Variants in WDTC1 observed in about 807,000 individuals in gnomAD.
WDTC1 encodes the protein WD and tetratricopeptide repeats protein 1.
WDTC1 carries 12 observed loss-of-function variants against 76.0 expected under a neutral mutation model. The ratio of observed to expected loss-of-function variants is 0.16; its 90% CI spans 0.10 to 0.26. The LOEUF (loss-of-function observed/expected upper bound fraction) is 0.26. Ranked by LOEUF, WDTC1 falls within the 10% of genes least tolerant of loss-of-function variation. The pLI is 1.00. For synonymous variants in WDTC1, 326 were observed against 350.8 expected, an observed-to-expected ratio of 0.93 and a Z score of 0.79; for missense variants, 511 against 908.8, an observed-to-expected ratio of 0.56 and a Z score of 5.63.
intron 3 of WDTC1, among the ~76,000 whole-genome samples, chr1:27,266,046 G>T (rs2012652741): frequency 6.6e-6 from 1 of 152,082 alleles, no homozygotes; most frequent in African/African-American, 2.4e-5. Flanking sequence ...ATTTTTAATA[G>T]CGTAAAGGGG....
At chr1:27,237,791 G>T (rs2011522314) in intron 1 of WDTC1, among the ~76,000 whole-genome samples, 1 of 150,818 alleles carries the variant, frequency 6.6e-6, no homozygotes, top group African/African-American at 2.4e-5. Context: ...AACCCAGGAG[G>T]TGGAGGTTGC....
Position 27,282,256 on chromosome 1 carries a change from C to T in WDTC1, c.150C>T (p.Val50=), listed in dbSNP as rs185202984. 1.9e-6 allele frequency: 3 copies of T among 1,613,792 alleles called. No homozygotes were observed. Among genetic ancestry groups the T allele is most frequent in the African/African-American group, 2.7e-5 (2 of 74,996 alleles). ...EAELQGHSGC[V]NCLEWNEKGD... ...TCCCCCAGGGTCACTCAGGATGTGTCAACTGTCTGGAGTGGAATGAGAAAG... is the reference window on the plus strand; with the variant it reads ...TCCCCCAGGGTCACTCAGGATGTGTTAACTGTCTGGAGTGGAATGAGAAAG... Residue 50 remains valine, a synonymous_variant, in exon 4 of 16, where the codon GTC becomes GTT. Coordinates refer to ENST00000319394, the MANE Select transcript of WDTC1 (RefSeq NM_001276252.2).
chr1:27,234,520 G>A (rs572933584), upstream of WDTC1: 2 of 355,150 alleles, frequency 5.6e-6, no homozygotes, highest in Non-Finnish European at 5.1e-6. Context: ...GGGGGTAAGT[G>A]GGGGGGCCCG....
At chr1:27,267,757 T>C (rs2012720746) in intron 3 of WDTC1, among the ~76,000 whole-genome samples, 1 of 152,180 alleles carries the variant, frequency 6.6e-6, no homozygotes, top group Non-Finnish European at 1.5e-5. Flanking sequence ...TTTAAAAAGA[T>C]ACTTTCATAA....
At position 27,294,546 on chromosome 1, in the gene WDTC1, A is replaced by C; in HGVS notation, c.790A>C (p.Asn264His). Reference protein sequence around the residue: ...HLPVKLPDYNNRLRVLVATYV... With the variant: ...HLPVKLPDYNHRLRVLVATYV... ...GCCAGTGAAGCTTCCTGACTACAAC[A>C]ACCGTTTGAGAGTGCTGGTTGCCAC... is the stretch of plus-strand genomic sequence containing the variant. The change falls in exon 9 of 16, where the codon AAC becomes CAC. Residue 264 changes from asparagine (N) to histidine (H), a missense_variant. Coordinates refer to ENST00000319394, the MANE Select transcript of WDTC1 (RefSeq NM_001276252.2). 1 of 1,614,176 alleles carries C rather than the reference A, an allele frequency of 6.2e-7. No individual in the cohort carries two copies. The highest frequency in any genetic ancestry group is 8.5e-7 in the Non-Finnish European group (1 of 1,180,016).
At chr1:27,255,346 T>C (rs2012240479) in intron 1 of WDTC1, 2 of 152,198 alleles carry the variant, frequency 1.3e-5, no homozygotes, top group Admixed American at 1.3e-4. Flanking sequence ...TTTGAGTTCC[T>C]GTTCCATCTC....
chr1:27,303,608 T>TCTCTGC lies in WDTC1; in HGVS notation c.1469-11_1469-6dup. The TCTCTGC allele has an allele frequency of 6.4e-7, 1 of 1,574,696 alleles. No homozygotes were observed. The highest frequency in any genetic ancestry group is 8.6e-7 in the Non-Finnish European group (1 of 1,166,194). Reference sequence around the variant, plus strand: ...GAACAAGGCGCTTACCTTTTCTGGATCTCTGCCCCCAGAGGAGAAGAAGGG... The same window carrying TCTCTGC: ...GAACAAGGCGCTTACCTTTTCTGGATCTCTGCCTCTGCCCCCAGAGGAGAAGAAGGG... On this transcript the variant is annotated splice_polypyrimidine_tract_variant and intron_variant, in intron 13 of 15. Coordinates refer to ENST00000319394, the MANE Select transcript of WDTC1 (RefSeq NM_001276252.2). The surrounding 1 kb of genome is among the most constrained non-coding windows in gnomAD (Gnocchi z 4.8).
chr1:27,256,838 A>G (rs2012295832), intron 1 of WDTC1, among the ~76,000 whole-genome samples: 1 of 152,128 alleles, frequency 6.6e-6, no homozygotes, highest in Non-Finnish European at 1.5e-5. Flanking sequence ...GGCACATAGT[A>G]AGTGCTTAAT....
intron 11 of WDTC1, among the ~76,000 whole-genome samples, chr1:27,297,520 G>T (rs1273677138): frequency 6.6e-6 from 1 of 152,178 alleles, no homozygotes; most frequent in Non-Finnish European, 1.5e-5. Flanking sequence ...TTCTCTGCCA[G>T]CCTCTGTGCT....
chr1:27,274,384 T>A lies in WDTC1; in HGVS notation c.133-7855T>A, dbSNP rs932630582. 4.7e-4 allele frequency among the ~76,000 whole-genome samples: 70 copies of A among 148,842 alleles called. No homozygotes were observed. The highest frequency in any genetic ancestry group is 1.2e-4 in the Non-Finnish European group (8 of 67,334). ...GGCTCATGCCTATAACCCCATACTT[T>A]GGCAGTCAGGAGAATCATTTGAGGC... On this transcript the variant is annotated intron_variant, in intron 3 of 15. Coordinates refer to ENST00000319394, the MANE Select transcript of WDTC1 (RefSeq NM_001276252.2). This position sits in a 1 kb window ranked among gnomAD's most constrained non-coding sequence, Gnocchi z 4.2.
At chr1:27,267,811 G>A (rs1005291776) in intron 3 of WDTC1, among the ~76,000 whole-genome samples, 59 of 151,920 alleles carry the variant, frequency 3.9e-4, no homozygotes, top group African/African-American at 1.4e-3. Context: ...ATTCTTTCAT[G>A]GTTCAGAGTG....
chr1:27,235,183 G>C (rs1423256335), intron 1 of WDTC1, among the ~76,000 whole-genome samples: 1 of 152,140 alleles, frequency 6.6e-6, no homozygotes, highest in Non-Finnish European at 1.5e-5. Flanking sequence ...TCGGGACGCG[G>C]GGGGAGGCTG....
At chr1:27,280,960 TTTTTA>T (rs996937252) in intron 3 of WDTC1, among the ~76,000 whole-genome samples, 99 of 152,238 alleles carry the variant, frequency 6.5e-4, no homozygotes, top group Middle Eastern at 3.4e-3. Flanking sequence ...CTTTTTCTTA[TTTTTA>T]TTTTATTTTA....
chr1:27,235,360 C>G (rs1389629585), intron 1 of WDTC1, among the ~76,000 whole-genome samples: 1 of 151,466 alleles, frequency 6.6e-6, no homozygotes, highest in Non-Finnish European at 1.5e-5. Flanking sequence ...CTTAGCTTCT[C>G]GCTCTCTCTC....
intron 1 of WDTC1, among the ~76,000 whole-genome samples, chr1:27,260,738 C>T (rs2012451930): frequency 2.0e-5 from 3 of 152,166 alleles, no homozygotes; most frequent in Non-Finnish European, 2.9e-5. Flanking sequence ...ATATTTCTTC[C>T]GTGTTTGTTC....
At chr1:27,234,565 C>A (rs2011444811), upstream of WDTC1, 2 of 388,252 alleles carry the variant, frequency 5.2e-6, no homozygotes, top group East Asian at 3.6e-5. Context: ...GCGCAGTCTT[C>A]GTAGCGTACC....
intron 13 of WDTC1, among the ~76,000 whole-genome samples, chr1:27,302,310 C>T (rs1363654498): frequency 2.0e-5 from 3 of 151,500 alleles, no homozygotes; most frequent in Non-Finnish European, 2.9e-5. Context: ...AAAAGTATGA[C>T]AAGTGCCATG....
intron 4 of WDTC1, among the ~76,000 whole-genome samples, chr1:27,282,619 C>T (rs945747675): frequency 6.6e-6 from 1 of 152,020 alleles, no homozygotes; most frequent in East Asian, 2.0e-4. Flanking sequence ...TCTCCTTAAT[C>T]AGCCTCCCAA....
chr1:27,256,373 C>T (rs1049627133), intron 1 of WDTC1, among the ~76,000 whole-genome samples: 1 of 152,188 alleles, frequency 6.6e-6, no homozygotes, highest in African/African-American at 2.4e-5. Flanking sequence ...CATATATTCA[C>T]ATTGTAGCTG....
Sources: allele counts gnomAD v4.1 joint callset (sites outside exome capture counted in the v4.1 genomes callset), GRCh38; gene constraint gnomAD v4.1.1; non-coding constraint Gnocchi (gnomAD v3.1); transcripts MANE v1.5; gene names NCBI Gene and HGNC (gene_info 2026-07-23, HGNC 2026-07-21).